The following GRAMD1C variants were observed in gnomAD, a reference collection of about 807,000 sequenced individuals.
GRAMD1C encodes the protein GRAM domain containing 1C.
GRAMD1C carries 89 observed loss-of-function variants against 97.8 expected under a neutral mutation model. That is an observed-to-expected ratio of 0.91 (90% CI 0.77 to 1.09). The LOEUF is 1.09. Among genes scored for constraint, GRAMD1C ranks in the 50% least tolerant of loss-of-function variants. GRAMD1C has a pLI of 0.00. For missense variants in GRAMD1C, 740 were observed against 766.4 expected, an observed-to-expected ratio of 0.97 and a Z score of 0.41; for synonymous variants, 256 against 267.0, an observed-to-expected ratio of 0.96 and a Z score of 0.40.
chr3:113,903,446 CCT>C (rs1307535442), intron 7 of GRAMD1C, among the ~76,000 whole-genome samples: 5 of 152,292 alleles, frequency 3.3e-5, no homozygotes, highest in African/African-American at 4.8e-5. Flanking sequence ...CTCCTCCTTT[CCT>C]CTCTGTTTTT....
intron 10 of GRAMD1C, among the ~76,000 whole-genome samples, chr3:113,925,853 A>G (rs1937214721): frequency 6.6e-6 from 1 of 152,208 alleles, no homozygotes; most frequent in South Asian, 2.1e-4. Flanking sequence ...TGGATATGAA[A>G]TTCTTGGTCT....
chr3:113,891,978 A>G (rs1935744365), intron 6 of GRAMD1C, among the ~76,000 whole-genome samples: 1 of 151,932 alleles, frequency 6.6e-6, no homozygotes. Flanking sequence ...TTCTTGCATG[A>G]GAAGGCCTTT....
chr3:113,903,877 C>T (rs532141511), intron 7 of GRAMD1C, among the ~76,000 whole-genome samples: 21 of 151,968 alleles, frequency 1.4e-4, no homozygotes, highest in African/African-American at 4.1e-4. Context: ...GTTACTGTTA[C>T]GGCCATTTGT....
At chr3:113,862,769 A>T (rs1227684237) in intron 2 of GRAMD1C, among the ~76,000 whole-genome samples, 1 of 152,324 alleles carries the variant, frequency 6.6e-6, no homozygotes, top group Non-Finnish European at 1.5e-5. Flanking sequence ...GTAAGAAATT[A>T]TAAAAGTATT....
chr3:113,876,326 A>G (rs1935032181), intron 5 of GRAMD1C, 66 bp downstream of exon 5: 6 of 786,782 alleles, frequency 7.6e-6, no homozygotes, highest in African/African-American at 1.7e-5. Flanking sequence ...ACTCATCATC[A>G]ATGTTGGGAA....
intron 1 of GRAMD1C, among the ~76,000 whole-genome samples, chr3:113,830,833 T>C (rs1709547955): frequency 1.3e-5 from 2 of 152,212 alleles, no homozygotes; most frequent in South Asian, 4.1e-4. Context: ...GCATGGTGAC[T>C]CATGCCCGTA....
At chr3:113,909,816 G>A (rs1936502483) in intron 9 of GRAMD1C, among the ~76,000 whole-genome samples, 1 of 152,132 alleles carries the variant, frequency 6.6e-6, no homozygotes, top group African/African-American at 2.4e-5. Context: ...TTTAAAAAGT[G>A]TACTCATCAA....
In GRAMD1C at chr3:113,947,047, C is replaced by T. The variant is rs1413388328; in HGVS notation, c.*1569C>T. On this transcript the variant is annotated 3_prime_UTR_variant, in exon 18 of 18. Coordinates refer to ENST00000358160, the MANE Select transcript of GRAMD1C (RefSeq NM_017577.5). ...TTTAAACGTTGTATTTTATAACATA[C>T]TTCAAGGAAGAGTATCGAAGTAAGT... The T allele has an allele frequency of 6.6e-6, 1 of 152,158 alleles. No homozygotes were observed. The highest frequency in any genetic ancestry group is 1.5e-5 in the Non-Finnish European group (1 of 68,032). The allele number at this position is 152,158 out of a possible 1,614,324, so 9.4% of individuals were successfully genotyped here. A position where few individuals can be genotyped will look rare whatever the true frequency, so the allele number is the denominator to read the frequency against.
intron 2 of GRAMD1C, among the ~76,000 whole-genome samples, chr3:113,851,318 A>C (rs1213602227): frequency 1.3e-5 from 2 of 152,150 alleles, no homozygotes; most frequent in Non-Finnish European, 2.9e-5. Flanking sequence ...AGGGAAATAG[A>C]AAAAAAGATG....
chr3:113,917,481 G>A (rs1354011823), intron 10 of GRAMD1C, among the ~76,000 whole-genome samples: 2 of 151,572 alleles, frequency 1.3e-5, no homozygotes, highest in East Asian at 3.9e-4. Flanking sequence ...GCGCCACCAC[G>A]CCTGGATAAT....
Position 113,900,882 on chromosome 3 carries a change from G to A in GRAMD1C, c.541-149G>A, listed in dbSNP as rs1303660182. On this transcript the variant is annotated intron_variant, in intron 6 of 17. Coordinates refer to ENST00000358160, the MANE Select transcript of GRAMD1C (RefSeq NM_017577.5). ...CTCATTTTTATAGATATGCAAAATG[G>A]AGGTACAGAAAGGTCAAATAACTAC... The A allele has an allele frequency of 3.9e-5, 17 of 441,094 alleles. No individual in the cohort carries two copies. In the East Asian group the frequency reaches 5.9e-4, roughly 15 times the overall value. The allele number at this position is 441,094 out of a possible 1,614,324, so 27.3% of individuals were successfully genotyped here.
chr3:113,943,200 C>CT (rs1431533992), intron 17 of GRAMD1C, among the ~76,000 whole-genome samples: 7 of 152,194 alleles, frequency 4.6e-5, no homozygotes, highest in Non-Finnish European at 8.8e-5. Flanking sequence ...TGACATCTGG[C>CT]TTGTAAAAAG....
intron 2 of GRAMD1C, among the ~76,000 whole-genome samples, chr3:113,866,596 G>T (rs1471631333): frequency 6.6e-6 from 1 of 151,888 alleles, no homozygotes; most frequent in African/African-American, 2.4e-5. Context: ...TATACCTTTT[G>T]TTCTTCTGTT....
At position 113,942,014 on chromosome 3, in the gene GRAMD1C, C is replaced by G. The variant is rs766249061; in HGVS notation, c.1908+1669C>G. Among the ~76,000 whole-genome samples the G allele has an allele frequency of 8.1e-4, 122 of 151,550 alleles. 3 individuals are homozygous for G. Among genetic ancestry groups the G allele is most frequent in the Non-Finnish European group, 8.8e-5 (6 of 67,970 alleles). ...CACTGCAGCCTTGACCTCCTGGGCT[C>G]AAGCAAACCTCCCACCTCACCCTCC... is the stretch of plus-strand genomic sequence containing the variant. On this transcript the variant is annotated intron_variant, in intron 17 of 17. Transcript: ENST00000358160.
In GRAMD1C at chr3:113,923,168, C is replaced by A. The variant is rs866343773; in HGVS notation, c.1090+7330C>A. ...TGAAGTTGCTTATCAGATCTAGGAG[C>A]TTTTGGGCACACTATGGGGTTTTCT... is the stretch of plus-strand genomic sequence containing the variant. On this transcript the variant is annotated intron_variant, in intron 10 of 17. Transcript: ENST00000358160. Among the ~76,000 whole-genome samples, 10 of 152,056 alleles carry A rather than the reference C, an allele frequency of 6.6e-5. No homozygotes were observed. In the South Asian group the frequency reaches 1.7e-3, roughly 25 times the overall value.
At chr3:113,875,080 G>A (rs773931121) in intron 3 of GRAMD1C, among the ~76,000 whole-genome samples, 5 of 151,938 alleles carry the variant, frequency 3.3e-5, no homozygotes, top group Non-Finnish European at 7.4e-5. Context: ...GCCTTTGCAT[G>A]TGCTGTTCCC....
At chr3:113,879,523 A>G (rs1935180937) in intron 5 of GRAMD1C, among the ~76,000 whole-genome samples, 1 of 152,060 alleles carries the variant, frequency 6.6e-6, no homozygotes, top group African/African-American at 2.4e-5. Context: ...GACACCACAC[A>G]AAAAGCTACC....
intron 6 of GRAMD1C, among the ~76,000 whole-genome samples, chr3:113,899,911 TA>T (rs1936094706): frequency 1.3e-5 from 2 of 152,172 alleles, no homozygotes; most frequent in Admixed American, 6.5e-5. Flanking sequence ...TTTTATATAT[TA>T]GGAAAATATA....
At chr3:113,830,103 G>A (rs1223848338) in intron 1 of GRAMD1C, among the ~76,000 whole-genome samples, 1 of 152,092 alleles carries the variant, frequency 6.6e-6, no homozygotes, top group Non-Finnish European at 1.5e-5. Context: ...AAGATTGGTC[G>A]GACCAGGTGT....
Sources: gnomAD v4.1 joint callset for allele counts (sites outside exome capture counted in the v4.1 genomes callset) on GRCh38, gnomAD v4.1.1 for gene constraint, MANE v1.5 for transcripts, NCBI Gene and HGNC (gene_info 2026-07-23, HGNC 2026-07-21) for gene names.